AGBL1: variants seen among roughly 807,000 people sequenced by gnomAD.
AGBL1 encodes AGBL carboxypeptidase 1, also known as cytosolic carboxypeptidase 4.
AGBL1 carries 130 observed loss-of-function variants against 118.9 expected under a neutral mutation model. That is an observed-to-expected ratio of 1.09 (90% CI 0.95 to 1.26). The LOEUF is 1.26. AGBL1 is among the 50% of genes most tolerant of loss of function. The pLI is 0.00. For synonymous variants in AGBL1, 555 were observed against 478.9 expected (o/e 1.16, Z -2.08); for missense variants, 1,584 against 1,298.1 (o/e 1.22, Z -3.38).
At chr15:86,897,764 CTTTTTT>C (rs71460231) in intron 22 of AGBL1, among the ~76,000 whole-genome samples, 1 of 80,654 alleles carries the variant, frequency 1.2e-5, no homozygotes, top group Middle Eastern at 0.015. Flanking sequence ...CATCTTTTAT[CTTTTTT>C]TTTTTTTTTT....
chr15:86,620,978 A>G (rs1246234557), intron 21 of AGBL1, among the ~76,000 whole-genome samples: 1 of 148,856 alleles, frequency 6.7e-6, no homozygotes, highest in Non-Finnish European at 1.5e-5. Flanking sequence ...TTCTACTCTC[A>G]TAGCTATTGC....
chr15:86,198,550 A>G (rs1255112028), intron 5 of AGBL1, among the ~76,000 whole-genome samples: 2 of 152,126 alleles, frequency 1.3e-5, no homozygotes, highest in African/African-American at 2.4e-5. Flanking sequence ...CTAATCCCCA[A>G]TGTGATTGAA....
intron 22 of AGBL1, among the ~76,000 whole-genome samples, chr15:86,762,054 T>C (rs1045646747): frequency 6.6e-6 from 1 of 152,056 alleles, no homozygotes; most frequent in African/African-American, 2.4e-5. Flanking sequence ...AGGAATGAGA[T>C]TATGTCATTT....
At chr15:86,317,473 GA>G (rs1281132545) in intron 17 of AGBL1, among the ~76,000 whole-genome samples, 1 of 152,134 alleles carries the variant, frequency 6.6e-6, no homozygotes, top group Non-Finnish European at 1.5e-5. Context: ...CAACACTTGC[GA>G]GCAATGTTTG....
intron 17 of AGBL1, among the ~76,000 whole-genome samples, chr15:86,304,005 T>C (rs1483517473): frequency 2.0e-5 from 3 of 152,154 alleles, no homozygotes; most frequent in Non-Finnish European, 4.4e-5. Context: ...ATCGTAACTG[T>C]TGTACTGACT....
chr15:86,832,987 C>T (rs530408144), intron 22 of AGBL1, among the ~76,000 whole-genome samples: 27 of 152,220 alleles, frequency 1.8e-4, no homozygotes, highest in South Asian at 6.2e-4. Flanking sequence ...GGAAGGCAAA[C>T]GAGGAACAAA....
intron 21 of AGBL1, among the ~76,000 whole-genome samples, chr15:86,567,312 CAAAGT>C (rs1567061833): frequency 6.6e-6 from 1 of 152,182 alleles, no homozygotes; most frequent in Admixed American, 6.5e-5. Flanking sequence ...TTAGCTACAT[CAAAGT>C]AATGTCTATA....
chr15:86,349,635 G>A (rs2080593907), intron 17 of AGBL1, among the ~76,000 whole-genome samples: 1 of 152,192 alleles, frequency 6.6e-6, no homozygotes, highest in African/African-American at 2.4e-5. Context: ...AACAAAAACT[G>A]TTAGCACACA....
rs1175106485 is a variant in AGBL1, at chr15:86,414,371, C to T, written c.2555+16825C>T. ...GAGTTCTGTGTAGAGATGGTCAAAA[C>T]ATCACAAATATTTTAGCCTGTCTAA... On this transcript the variant is annotated intron_variant, in intron 18 of 22. Coordinates refer to ENST00000614907, the MANE Select transcript of AGBL1 (RefSeq NM_001386094.1). 2.0e-5 allele frequency among the ~76,000 whole-genome samples: 3 copies of T among 152,058 alleles called. No homozygotes were observed. In the East Asian group the frequency reaches 5.8e-4, roughly 29 times the overall value.
Position 86,793,786 on chromosome 15 carries a change from C to G in AGBL1, c.3159-113301C>G, listed in dbSNP as rs79579975. On this transcript the variant is annotated intron_variant, in intron 22 of 22. Transcript: ENST00000614907. ...AGACAAACAACCCAATTAAAAATTACGAAAGTCTTGAGTAGACTTTTTCCA... is the reference window on the plus strand; with the variant it reads ...AGACAAACAACCCAATTAAAAATTAGGAAAGTCTTGAGTAGACTTTTTCCA... Among the ~76,000 whole-genome samples, 523 of 152,226 alleles carry G rather than the reference C, an allele frequency of 3.4e-3. 4 individuals carry two copies. The highest frequency in any genetic ancestry group is 0.012 in the African/African-American group (491 of 41,532).
At chr15:86,566,489 A>T (rs2083916470) in intron 21 of AGBL1, among the ~76,000 whole-genome samples, 1 of 152,152 alleles carries the variant, frequency 6.6e-6, no homozygotes, top group African/African-American at 2.4e-5. Context: ...CAGCAGGGTG[A>T]ATAAGGAGCA....
chr15:86,379,212 C>A (rs925428092), intron 17 of AGBL1, among the ~76,000 whole-genome samples: 15 of 151,538 alleles, frequency 9.9e-5, no homozygotes, highest in African/African-American at 3.6e-4. Flanking sequence ...CGTGCCTGGC[C>A]GGTCACTTTA....
intron 22 of AGBL1, among the ~76,000 whole-genome samples, chr15:86,814,496 A>G (rs985004981): frequency 5.3e-5 from 8 of 152,220 alleles, no homozygotes; most frequent in Non-Finnish European, 8.8e-5. Flanking sequence ...ACAGATTTAC[A>G]TAAAAGCTTG....
At chr15:86,576,206 A>G (rs894760820) in intron 21 of AGBL1, among the ~76,000 whole-genome samples, 2 of 152,222 alleles carry the variant, frequency 1.3e-5, no homozygotes, top group African/African-American at 4.8e-5. Flanking sequence ...GGGGCTAATG[A>G]TTGTACCTCC....
At chr15:86,952,659 C>T (rs1319272946) in intron 23 of AGBL1, among the ~76,000 whole-genome samples, 1 of 152,092 alleles carries the variant, frequency 6.6e-6, no homozygotes, top group Non-Finnish European at 1.5e-5. Context: ...TTGATAGTTT[C>T]ATCTGCTGAG....
At chr15:86,253,098 G>A (rs570857590) in intron 7 of AGBL1, among the ~76,000 whole-genome samples, 2 of 152,254 alleles carry the variant, frequency 1.3e-5, no homozygotes, top group East Asian at 3.9e-4. Context: ...GGAGTAGAGT[G>A]GGAGGTGGGT....
chr15:86,727,645 C>T (rs2086840749), intron 22 of AGBL1, among the ~76,000 whole-genome samples: 1 of 152,132 alleles, frequency 6.6e-6, no homozygotes, highest in Non-Finnish European at 1.5e-5. Context: ...GCAATTAAAG[C>T]TGGAAAAGTA....
intron 23 of AGBL1, among the ~76,000 whole-genome samples, chr15:86,923,630 C>T (rs1004519845): frequency 2.0e-5 from 3 of 152,188 alleles, no homozygotes; most frequent in Admixed American, 1.3e-4. Context: ...TGGTTCAATG[C>T]TTCACATGTG....
intron 23 of AGBL1, among the ~76,000 whole-genome samples, chr15:86,941,831 C>A (rs1419655167): frequency 6.6e-6 from 1 of 152,118 alleles, no homozygotes; most frequent in African/African-American, 2.4e-5. Flanking sequence ...AGGAGCAGGC[C>A]CAGGGAACAT....
Sources: allele counts gnomAD v4.1 joint callset (sites outside exome capture counted in the v4.1 genomes callset), GRCh38; gene constraint gnomAD v4.1.1; transcripts MANE v1.5; gene names NCBI Gene and HGNC (gene_info 2026-07-23, HGNC 2026-07-21).